MAP7D2: variants seen among roughly 807,000 people sequenced by gnomAD.
MAP7D2 encodes MAP7 domain-containing protein 2.
MAP7D2 carries 33 observed loss-of-function variants against 63.5 expected under a neutral mutation model. The ratio of observed to expected loss-of-function variants is 0.52; its 90% CI spans 0.39 to 0.70. The LOEUF is 0.70. MAP7D2 is among the 30% of genes least tolerant of loss of function. MAP7D2 has a pLI of 0.00. For synonymous variants in MAP7D2, 224 were observed against 223.7 expected, an observed-to-expected ratio of 1.00 and a Z score of -0.01; for missense variants, 626 against 604.0, an observed-to-expected ratio of 1.04 and a Z score of -0.38.
intron 8 of MAP7D2, among the ~76,000 whole-genome samples, chrX:20,027,780 G>C (rs2073917129): frequency 9.4e-6 from 1 of 106,863 alleles, no homozygotes; most frequent in East Asian, 3.0e-4. Flanking sequence ...GAGAGAGAGA[G>C]AGAGAGAGAG....
Position 20,088,092 on chromosome X carries a change from G to C in MAP7D2, c.131-23287C>G, listed in dbSNP as rs1282821382. 2.9e-5 allele frequency among the ~76,000 whole-genome samples: 3 copies of C among 104,908 alleles called. No homozygotes were observed. In the East Asian group the frequency reaches 8.9e-4, roughly 31 times the overall value. 91.1% of individuals were successfully genotyped at this position (104,908 alleles called of 115,157 possible). A position where few individuals can be genotyped will look rare whatever the true frequency, so the allele number is the denominator to read the frequency against. On this transcript the variant is annotated intron_variant, in intron 1 of 16. Transcript: ENST00000379643. Reference sequence around the variant, plus strand: ...TTTTTGTATTTTTTTGTAGAGACAGGGTTTTACCATGTTGGCCAGGCTGGC... The same window carrying C: ...TTTTTGTATTTTTTTGTAGAGACAGCGTTTTACCATGTTGGCCAGGCTGGC...
intron 1 of MAP7D2, among the ~76,000 whole-genome samples, chrX:20,068,072 C>A (rs1189123491): frequency 8.9e-6 from 1 of 112,126 alleles, no homozygotes; most frequent in South Asian, 3.7e-4. Flanking sequence ...AATGCATGGC[C>A]GTCTCTTTCT....
intron 8 of MAP7D2, among the ~76,000 whole-genome samples, chrX:20,030,544 G>T (rs1255154562): frequency 9.0e-6 from 1 of 111,723 alleles, no homozygotes. Context: ...GGAGAGGGTT[G>T]TCATGCCTCT....
chrX:20,085,305 C>T (rs1221572082), intron 1 of MAP7D2, among the ~76,000 whole-genome samples: 2 of 111,881 alleles, frequency 1.8e-5, no homozygotes, highest in East Asian at 2.8e-4. Context: ...TGTAAAAACC[C>T]GTAAGTACTG....
intron 8 of MAP7D2, among the ~76,000 whole-genome samples, chrX:20,029,020 G>A (rs2073963806): frequency 8.9e-6 from 1 of 111,960 alleles, no homozygotes; most frequent in Non-Finnish European, 1.9e-5. Flanking sequence ...TCTCTGATTG[G>A]TGAGAATGAG....
chrX:20,084,196 CA>C (rs112492302), intron 1 of MAP7D2, among the ~76,000 whole-genome samples: 25,732 of 56,136 alleles, frequency 0.46, 5,539 homozygotes, highest in African/African-American at 0.77. Flanking sequence ...GCAAGACTCA[CA>C]AAAAAAAAAA....
At chrX:20,049,949 T>C (rs2064902756) in intron 6 of MAP7D2, 2 of 276,328 alleles carry the variant, frequency 7.2e-6, no homozygotes, top group Admixed American at 8.0e-5. Flanking sequence ...ATGTTGAGCA[T>C]CTTATGAACC....
At chrX:20,009,246 A>G (rs1603345672) in intron 16 of MAP7D2, among the ~76,000 whole-genome samples, 3 of 111,782 alleles carry the variant, frequency 2.7e-5, no homozygotes, top group Admixed American at 9.5e-5. Flanking sequence ...AGCCTCTCCC[A>G]CCTGTTTCCT....
intron 8 of MAP7D2, among the ~76,000 whole-genome samples, chrX:20,035,529 G>T (rs1162735392): frequency 9.0e-6 from 1 of 111,496 alleles, no homozygotes; most frequent in African/African-American, 3.3e-5. Flanking sequence ...AAAAAAGTCT[G>T]GAATTTTAAC....
intron 1 of MAP7D2, among the ~76,000 whole-genome samples, chrX:20,103,933 T>C: frequency 8.9e-6 from 1 of 112,147 alleles, no homozygotes; most frequent in South Asian, 3.7e-4. Context: ...TAAAACTATG[T>C]ACCACAAAGG....
intron 10 of MAP7D2, 137 bp downstream of exon 10, chrX:20,024,814 A>C (rs2073781978): frequency 1.6e-6 from 1 of 633,309 alleles, no homozygotes. Context: ...AACACCTTCC[A>C]TGTAGTTCAG....
chrX:20,067,270 G>C (rs1476948909), intron 1 of MAP7D2, among the ~76,000 whole-genome samples: 1 of 111,568 alleles, frequency 9.0e-6, no homozygotes, highest in Non-Finnish European at 1.9e-5. Context: ...GAAAAACAGA[G>C]AAGAAAAAGG....
intron 1 of MAP7D2, among the ~76,000 whole-genome samples, chrX:20,108,091 TTTTG>T (rs749639094): frequency 9.0e-4 from 101 of 111,712 alleles, no homozygotes; most frequent in Non-Finnish European, 1.6e-3. Flanking sequence ...TTTACGTTTT[TTTTG>T]TTTGTTTGTT....
At position 20,006,723 on chromosome X, in the gene MAP7D2, C is replaced by T. The variant is rs374753096; in HGVS notation, c.*1702G>A. 9.0e-6 allele frequency: 1 copy of T among 111,370 alleles called. No homozygotes were observed. Among genetic ancestry groups the T allele is most frequent in the East Asian group, 2.8e-4 (1 of 3,565 alleles). 9.2% of individuals were successfully genotyped at this position (111,370 alleles called of 1,213,427 possible). ...TGCAGTTGACTCCACTTGGCACTGG[C>T]AACAAAGGAATTTTTAATGAGTTTG... On this transcript the variant is annotated 3_prime_UTR_variant, in exon 17 of 17. Transcript: ENST00000379643.
intron 1 of MAP7D2, among the ~76,000 whole-genome samples, chrX:20,065,008 C>T (rs951848284): frequency 9.8e-5 from 11 of 111,966 alleles, no homozygotes; most frequent in African/African-American, 2.3e-4. Context: ...TCGCATGCAC[C>T]TGCCAAGCTG....
At chrX:20,105,363 A>G (rs775244259) in intron 1 of MAP7D2, among the ~76,000 whole-genome samples, 1 of 111,520 alleles carries the variant, frequency 9.0e-6, no homozygotes, top group South Asian at 3.8e-4. Context: ...ATCAGTGACC[A>G]ACGGTGAAGA....
chrX:20,095,541 TC>T (rs1226542312), intron 1 of MAP7D2, among the ~76,000 whole-genome samples: 1 of 109,986 alleles, frequency 9.1e-6, no homozygotes, highest in Non-Finnish European at 1.9e-5. Context: ...CCACCCTGTC[TC>T]CCCACTTCTC....
intron 1 of MAP7D2, among the ~76,000 whole-genome samples, chrX:20,079,608 T>C (rs980471225): frequency 3.6e-5 from 4 of 112,139 alleles, no homozygotes; most frequent in Admixed American, 9.5e-5. Flanking sequence ...AACTGTATCC[T>C]AGTCAAGAGA....
chrX:20,089,080 C>T (rs1351735887), intron 1 of MAP7D2, among the ~76,000 whole-genome samples: 2 of 111,809 alleles, frequency 1.8e-5, no homozygotes, highest in Non-Finnish European at 3.8e-5. Context: ...CGTGCTCGGC[C>T]TCTCCTGTAT....
Sources: allele counts gnomAD v4.1 joint callset (sites outside exome capture counted in the v4.1 genomes callset), GRCh38; gene constraint gnomAD v4.1.1; transcripts MANE v1.5; gene names NCBI Gene and HGNC (gene_info 2026-07-23, HGNC 2026-07-21).